DCDC2C: variants seen among roughly 807,000 people sequenced by gnomAD.
DCDC2C encodes doublecortin domain containing 2C, also known as doublecortin domain-containing protein 2C.
In DCDC2C, 44 loss-of-function variants were observed where a neutral mutation model predicts 45.0. The ratio of observed to expected loss-of-function variants is 0.98; its 90% CI spans 0.77 to 1.26. DCDC2C has a LOEUF of 1.26. Among genes scored for constraint, DCDC2C ranks in the 50% most tolerant of loss-of-function variants. The probability of loss-of-function intolerance (pLI) is 0.00; values close to 1 mark genes in which losing one functional copy is unlikely to be tolerated. For synonymous variants in DCDC2C, 187 were observed against 178.8 expected (o/e 1.05, Z -0.37); for missense variants, 447 against 468.9 (o/e 0.95, Z 0.43).
intron 2 of DCDC2C, among the ~76,000 whole-genome samples, chr2:3,718,344 G>A (rs1351982886): frequency 6.6e-6 from 1 of 152,190 alleles, no homozygotes; most frequent in East Asian, 1.9e-4. Flanking sequence ...CCGTCTGGCT[G>A]TCTGATTCTA....
intron 10 of DCDC2C, among the ~76,000 whole-genome samples, chr2:3,827,289 C>T (rs754248823): frequency 2.2e-4 from 33 of 148,384 alleles, no homozygotes; most frequent in Admixed American, 4.0e-4. Context: ...GGCAAAGCCA[C>T]GTGGAAGGGG....
chr2:3,812,117 A>C (rs1474482973), intron 10 of DCDC2C, among the ~76,000 whole-genome samples: 1 of 151,672 alleles, frequency 6.6e-6, no homozygotes, highest in African/African-American at 2.4e-5. Flanking sequence ...GGACTCCCTC[A>C]TTTTCAATTG....
At chr2:3,832,035 G>A (rs1671963247) in intron 10 of DCDC2C, among the ~76,000 whole-genome samples, 1 of 152,148 alleles carries the variant, frequency 6.6e-6, no homozygotes, top group South Asian at 2.1e-4. Context: ...TTCTACTTGT[G>A]TATCTTCATC....
intron 6 of DCDC2C, among the ~76,000 whole-genome samples, chr2:3,762,138 T>A (rs1382574130): frequency 6.6e-6 from 1 of 150,500 alleles, no homozygotes; most frequent in Non-Finnish European, 1.5e-5. Context: ...GATTCCTGCT[T>A]GATCCATGTT....
At chr2:3,807,316 T>C (rs1241181908) in intron 10 of DCDC2C, among the ~76,000 whole-genome samples, 1 of 152,156 alleles carries the variant, frequency 6.6e-6, no homozygotes, top group Non-Finnish European at 1.5e-5. Flanking sequence ...CTGTGGTTTT[T>C]GGCAGCTGCA....
At chr2:3,821,731 AC>A (rs1182029281) in intron 10 of DCDC2C, among the ~76,000 whole-genome samples, 1 of 152,068 alleles carries the variant, frequency 6.6e-6, no homozygotes, top group Non-Finnish European at 1.5e-5. Context: ...CCTGGGGTAA[AC>A]CCCACTTGTT....
chr2:3,725,542 G>T (rs12329290), intron 2 of DCDC2C, among the ~76,000 whole-genome samples: 4 of 123,388 alleles, frequency 3.2e-5, no homozygotes, highest in African/African-American at 9.8e-5. Flanking sequence ...GAGCAGAGAG[G>T]GAGGAGGCTG....
At chr2:3,839,828 G>A (rs1189537213) in intron 10 of DCDC2C, among the ~76,000 whole-genome samples, 1 of 152,146 alleles carries the variant, frequency 6.6e-6, no homozygotes, top group Non-Finnish European at 1.5e-5. Flanking sequence ...TCATTATTTG[G>A]CTACTGAGTT....
At chr2:3,730,145 C>G (rs923831805) in intron 3 of DCDC2C, among the ~76,000 whole-genome samples, 1 of 152,136 alleles carries the variant, frequency 6.6e-6, no homozygotes, top group Admixed American at 6.5e-5. Context: ...GCGTGACCAT[C>G]GGGATGGATA....
intron 10 of DCDC2C, among the ~76,000 whole-genome samples, chr2:3,820,258 G>C (rs1243376348): frequency 1.3e-5 from 2 of 152,162 alleles, no homozygotes; most frequent in African/African-American, 4.8e-5. Flanking sequence ...TTGTATTGGG[G>C]CCAAGTGGTG....
chr2:3,703,690 G>A lies in DCDC2C; in HGVS notation c.-62G>A, dbSNP rs1168173960. On this transcript the variant is annotated 5_prime_UTR_variant, in exon 1 of 11. Transcript: ENST00000399143. This position sits in a 1 kb window ranked among gnomAD's most constrained non-coding sequence, Gnocchi z 4.4. Reference sequence around the variant, plus strand: ...GCCCGGGCCTGGGCGCGGCTCTGCAGGCGTCGCTGCCCGCGCTGCCGCAGC... The same window carrying A: ...GCCCGGGCCTGGGCGCGGCTCTGCAAGCGTCGCTGCCCGCGCTGCCGCAGC... The A allele has an allele frequency of 3.3e-6, 4 of 1,218,716 alleles. No homozygotes were observed. Among genetic ancestry groups the A allele is most frequent in the African/African-American group, 1.6e-5 (1 of 63,808 alleles). 75.5% of individuals were successfully genotyped at this position (1,218,716 alleles called of 1,614,324 possible). A position where few individuals can be genotyped will look rare whatever the true frequency, so the allele number is the denominator to read the frequency against.
intron 6 of DCDC2C, among the ~76,000 whole-genome samples, chr2:3,765,605 A>G (rs1306034849): frequency 6.6e-6 from 1 of 152,152 alleles, no homozygotes; most frequent in African/African-American, 2.4e-5. Flanking sequence ...GCGGGAAGTG[A>G]TGAGGCGTGC....
intron 3 of DCDC2C, among the ~76,000 whole-genome samples, chr2:3,737,331 C>T (rs1283610433): frequency 1.3e-5 from 2 of 152,202 alleles, no homozygotes; most frequent in African/African-American, 4.8e-5. Context: ...ATTAGGCGAC[C>T]TTCACCCCAG....
Position 3,809,830 on chromosome 2 carries a change from G to C in DCDC2C, c.1065+24730G>C, listed in dbSNP as rs886549920. On this transcript the variant is annotated intron_variant, in intron 10 of 10. Coordinates refer to ENST00000399143, the MANE Select transcript of DCDC2C (RefSeq NM_001287444.2). ...CATTGTTCAACTCCCACTTATGAGT[G>C]AGAACATGTGGTGTTTTGTTTTCTG... Among the ~76,000 whole-genome samples, 9 of 152,208 alleles carry C rather than the reference G, an allele frequency of 5.9e-5. No homozygotes were observed. In the East Asian group the frequency reaches 9.7e-4, roughly 16 times the overall value.
intron 10 of DCDC2C, among the ~76,000 whole-genome samples, chr2:3,819,299 G>A (rs1671631892): frequency 6.6e-6 from 1 of 152,346 alleles, no homozygotes; most frequent in Admixed American, 6.5e-5. Flanking sequence ...ATGGGACGTG[G>A]CTTAGGAGGA....
At chr2:3,756,157 G>C (rs1669709708) in intron 6 of DCDC2C, among the ~76,000 whole-genome samples, 1 of 152,114 alleles carries the variant, frequency 6.6e-6, no homozygotes, top group African/African-American at 2.4e-5. Context: ...GGAGGTATCA[G>C]GATACAGGAC....
intron 10 of DCDC2C, among the ~76,000 whole-genome samples, chr2:3,787,848 A>G (rs1206514896): frequency 1.3e-5 from 2 of 152,242 alleles, no homozygotes; most frequent in East Asian, 1.9e-4. Flanking sequence ...AGAAAATTCT[A>G]TCTTAAGAAA....
chr2:3,776,527 CA>C (rs1558222030), intron 8 of DCDC2C, among the ~76,000 whole-genome samples: 1 of 152,198 alleles, frequency 6.6e-6, no homozygotes, highest in African/African-American at 2.4e-5. Flanking sequence ...CTTCCTTTGG[CA>C]AGAGAATCTC....
At chr2:3,796,618 TG>T (rs1217072724) in intron 10 of DCDC2C, among the ~76,000 whole-genome samples, 2 of 126,444 alleles carry the variant, frequency 1.6e-5, no homozygotes, top group Non-Finnish European at 3.3e-5. Flanking sequence ...CTGCATCTAT[TG>T]AGATAATCAT....
Sources: allele counts gnomAD v4.1 joint callset (sites outside exome capture counted in the v4.1 genomes callset), GRCh38; gene constraint gnomAD v4.1.1; non-coding constraint Gnocchi (gnomAD v3.1); transcripts MANE v1.5; gene names NCBI Gene and HGNC (gene_info 2026-07-23, HGNC 2026-07-21).